Variants in CSMD1 observed in about 807,000 individuals in gnomAD.
CSMD1 encodes CUB and sushi domain-containing protein 1.
CSMD1 carries 213 observed loss-of-function variants against 417.5 expected under a neutral mutation model. The ratio of observed to expected loss-of-function variants is 0.51; its 90% CI spans 0.46 to 0.57. The LOEUF is 0.57. Among genes scored for constraint, CSMD1 ranks in the 20% least tolerant of loss-of-function variants. The pLI is 0.00. For missense variants in CSMD1, 6,923 were observed against 4,529.7 expected, an observed-to-expected ratio of 1.53 and a Z score of -15.17; for synonymous variants, 2,862 against 1,736.8, an observed-to-expected ratio of 1.65 and a Z score of -16.11.
chr8:4,449,632 G>T (rs1799013519), intron 2 of CSMD1, among the ~76,000 whole-genome samples: 1 of 152,214 alleles, frequency 6.6e-6, no homozygotes, highest in South Asian at 2.1e-4. Context: ...ATACATCTTG[G>T]AGCAATCCAC....
At chr8:4,822,218 G>A (rs534268480) in intron 1 of CSMD1, among the ~76,000 whole-genome samples, 2 of 152,192 alleles carry the variant, frequency 1.3e-5, no homozygotes, top group East Asian at 1.9e-4. Flanking sequence ...ATTCGTGGGG[G>A]TTTGCAACTT....
rs75402083 is a variant in CSMD1 at position 3,736,764 on chromosome 8, G to C, written c.931+17166C>G. 4.6e-3 allele frequency among the ~76,000 whole-genome samples: 701 copies of C among 152,270 alleles called. 23 individuals are homozygous for C. The East Asian group carries it at 0.076, about 17-fold the overall frequency. On this transcript the variant is annotated intron_variant, in intron 6 of 69. Transcript: ENST00000635120. Reference sequence around the variant, plus strand: ...ACCTTTACCAATCATTAGGTGTGTCGTTTTGCCTCAGATCCTCATCTGCAA... The same window carrying C: ...ACCTTTACCAATCATTAGGTGTGTCCTTTTGCCTCAGATCCTCATCTGCAA...
chr8:3,789,408 GTT>G (rs35044031), intron 5 of CSMD1, among the ~76,000 whole-genome samples: 3,041 of 127,846 alleles, frequency 0.024, 69 homozygotes, highest in Non-Finnish European at 0.034. Flanking sequence ...TTTTAAGTAA[GTT>G]TTTTTTTTTT....
intron 10 of CSMD1, among the ~76,000 whole-genome samples, chr8:3,555,456 G>C (rs1375114318): frequency 6.6e-6 from 1 of 152,174 alleles, no homozygotes; most frequent in Non-Finnish European, 1.5e-5. Flanking sequence ...GGCCCTGGCA[G>C]GTCAGAAGGT....
chr8:4,395,343 T>C (rs943791642), intron 3 of CSMD1, among the ~76,000 whole-genome samples: 3 of 152,202 alleles, frequency 2.0e-5, no homozygotes, highest in Non-Finnish European at 2.9e-5. Flanking sequence ...TCTGAGAGCA[T>C]TGTTTGCATT....
At chr8:3,177,685 C>A (rs1413494433) in intron 37 of CSMD1, among the ~76,000 whole-genome samples, 1 of 152,078 alleles carries the variant, frequency 6.6e-6, no homozygotes, top group Non-Finnish European at 1.5e-5. Flanking sequence ...AGAAACACTC[C>A]AGTCTCGGGG....
chr8:4,243,070 C>G (rs1462585764), intron 3 of CSMD1, among the ~76,000 whole-genome samples: 1 of 152,030 alleles, frequency 6.6e-6, no homozygotes, highest in African/African-American at 2.4e-5. Flanking sequence ...GTAGTTTTTT[C>G]CTTTCTTGCC....
At position 4,117,512 on chromosome 8, in the gene CSMD1, C is replaced by T. The variant is rs371823235; in HGVS notation, c.416-85413G>A. Among the ~76,000 whole-genome samples the T allele has an allele frequency of 8.5e-5, 13 of 152,276 alleles. 1 individual carries two copies. Among genetic ancestry groups the T allele is most frequent in the Admixed American group, 4.6e-4 (7 of 15,292 alleles). On this transcript the variant is annotated intron_variant, in intron 3 of 69. Coordinates refer to ENST00000635120, the MANE Select transcript of CSMD1 (RefSeq NM_033225.6). ...GTGCTATAAATCATCTCCCTCCGAC[C>T]AACTCTCTCGGCAGCCTATTATAAT... is the stretch of plus-strand genomic sequence containing the variant.
intron 1 of CSMD1, among the ~76,000 whole-genome samples, chr8:4,716,634 T>A (rs1409490688): frequency 6.6e-6 from 1 of 152,230 alleles, no homozygotes; most frequent in Non-Finnish European, 1.5e-5. Flanking sequence ...GTCTCCCGAA[T>A]TCCTGGCCTA....
intron 41 of CSMD1, among the ~76,000 whole-genome samples, chr8:3,141,392 T>C (rs979336079): frequency 6.6e-6 from 1 of 152,216 alleles, no homozygotes; most frequent in East Asian, 1.9e-4. Flanking sequence ...AGGAATTCAA[T>C]TCCTGGTTTG....
At position 3,754,005 on chromosome 8, in the gene CSMD1, T is replaced by C. The variant is rs1171347504; in HGVS notation, c.856A>G (p.Ser286Gly). 6.2e-7 allele frequency: 1 copy of C among 1,613,186 alleles called. No homozygotes were observed. Among genetic ancestry groups the C allele is most frequent in the East Asian group, 2.2e-5 (1 of 44,848 alleles). The change falls in exon 6 of 70, where the codon AGC becomes GGC. Residue 286 changes from serine to glycine, a missense_variant. Coordinates refer to ENST00000635120, the MANE Select transcript of CSMD1 (RefSeq NM_033225.6). ...GMNLPSPVIS[S>G]KNWLRLHFTS... is the part of the protein sequence containing the mutation. ...AAATGGAGTCGTAGCCAATTCTTGC[T>C]ACTGATAACTGGAGAGGGGAGGTTC...
chr8:3,387,641 G>A lies in CSMD1; in HGVS notation c.2635C>T (p.Pro879Ser), dbSNP rs763329445. ...ESDSCLDPGIPVNGHRHGGDF... is the reference protein window; with the variant it reads ...ESDSCLDPGISVNGHRHGGDF... Reference sequence around the variant, plus strand: ...CCACCGTGGCGATGGCCGTTCACAGGGATGCCCGGGTCCAGGCAGGAATCC... The same window carrying A: ...CCACCGTGGCGATGGCCGTTCACAGAGATGCCCGGGTCCAGGCAGGAATCC... Residue 879 changes from proline (P) to serine (S), a missense_variant, in exon 18 of 70, where the codon CCT becomes TCT. Coordinates refer to ENST00000635120, the MANE Select transcript of CSMD1 (RefSeq NM_033225.6). 1.2e-6 allele frequency: 2 copies of A among 1,600,758 alleles called. No homozygotes were observed. Among genetic ancestry groups the A allele is most frequent in the Non-Finnish European group, 1.7e-6 (2 of 1,173,510 alleles).
chr8:4,446,159 A>G (rs1006025091), intron 2 of CSMD1, among the ~76,000 whole-genome samples: 2 of 152,230 alleles, frequency 1.3e-5, no homozygotes, highest in Admixed American at 6.5e-5. Context: ...ACTGAAACCC[A>G]TACTTCATAA....
intron 17 of CSMD1, among the ~76,000 whole-genome samples, chr8:3,393,007 A>G (rs1162590710): frequency 6.6e-6 from 1 of 152,158 alleles, no homozygotes; most frequent in African/African-American, 2.4e-5. Flanking sequence ...CAAGCAAACA[A>G]AAAGCCATGT....
chr8:3,820,957 C>G (rs1563113716), intron 5 of CSMD1, among the ~76,000 whole-genome samples: 1 of 152,002 alleles, frequency 6.6e-6, no homozygotes, highest in African/African-American at 2.4e-5. Context: ...GCTTTTGCTG[C>G]CCAAGCTGGA....
chr8:4,950,760 A>C (rs1187170144), intron 1 of CSMD1, among the ~76,000 whole-genome samples: 1 of 152,168 alleles, frequency 6.6e-6, no homozygotes, highest in East Asian at 1.9e-4. Flanking sequence ...ATTATTTATA[A>C]GTGGCAGCAC....
chr8:3,620,280 G>C (rs1013778327), intron 7 of CSMD1, among the ~76,000 whole-genome samples: 1 of 146,450 alleles, frequency 6.8e-6, no homozygotes, highest in Admixed American at 6.7e-5. Flanking sequence ...TTCCCTACAA[G>C]AAAGTCCTTC....
rs1399280367 is a variant in CSMD1, at chr8:3,759,705, G to C, written c.819-5663C>G. Among the ~76,000 whole-genome samples the C allele has an allele frequency of 3.5e-5, 5 of 144,322 alleles. No individual in the cohort carries two copies. In the Middle Eastern group the frequency reaches 0.018, roughly 531 times the overall value. 94.7% of individuals were successfully genotyped at this position (144,322 alleles called of 152,430 possible). On this transcript the variant is annotated intron_variant, in intron 5 of 69. Coordinates refer to ENST00000635120, the MANE Select transcript of CSMD1 (RefSeq NM_033225.6). ...GGTCAGGAGTTCGAGACCAGCCTGAGCAATATGGTGAAACACCACCTCTAC... is the reference window on the plus strand; with the variant it reads ...GGTCAGGAGTTCGAGACCAGCCTGACCAATATGGTGAAACACCACCTCTAC...
intron 2 of CSMD1, among the ~76,000 whole-genome samples, chr8:4,508,159 T>A (rs1236249412): frequency 9.7e-6 from 1 of 103,302 alleles, no homozygotes; most frequent in Non-Finnish European, 2.3e-5. Context: ...GAAGAGGTAA[T>A]ATTTTTTTTT....
Sources: gnomAD v4.1 joint callset for allele counts (sites outside exome capture counted in the v4.1 genomes callset) on GRCh38, gnomAD v4.1.1 for gene constraint, MANE v1.5 for transcripts, NCBI Gene and HGNC (gene_info 2026-07-23, HGNC 2026-07-21) for gene names.